CAST: variants seen among roughly 807,000 people sequenced by gnomAD.
The protein encoded by CAST is MIR583 host.
CAST carries 76 observed loss-of-function variants against 119.6 expected under a neutral mutation model. The ratio of observed to expected loss-of-function variants is 0.64; its 90% CI spans 0.53 to 0.77. The LOEUF (loss-of-function observed/expected upper bound fraction) is 0.77. Among genes scored for constraint, CAST ranks in the 30% least tolerant of loss-of-function variants. The pLI, the probability that CAST is intolerant of heterozygous loss-of-function variation, is 0.00. For missense variants in CAST, 953 were observed against 946.5 expected, an observed-to-expected ratio of 1.01 and a Z score of -0.09; for synonymous variants, 319 against 331.6, an observed-to-expected ratio of 0.96 and a Z score of 0.41.
At chr5:96,355,554 T>C in the CAST span, among the ~76,000 whole-genome samples, 1 of 152,172 alleles carries the variant, frequency 6.6e-6, no homozygotes, top group Admixed American at 6.5e-5. Context: ...AGTATTAGGA[T>C]AGCTGGGTCA....
the CAST span, among the ~76,000 whole-genome samples, chr5:96,378,430 G>A: frequency 7.2e-5 from 11 of 152,070 alleles, no homozygotes; most frequent in Non-Finnish European, 1.2e-4. Flanking sequence ...CAGTGTATAT[G>A]TATATCAAAA....
intron 1 of CAST, among the ~76,000 whole-genome samples, chr5:96,652,208 G>C (rs1033316820): frequency 6.6e-6 from 1 of 152,208 alleles, no homozygotes; most frequent in African/African-American, 2.4e-5. Context: ...CATAGCAAAC[G>C]AGGTCCAGAC....
the CAST span, among the ~76,000 whole-genome samples, chr5:95,971,006 G>A: frequency 6.6e-6 from 1 of 152,144 alleles, no homozygotes; most frequent in African/African-American, 2.4e-5. Flanking sequence ...AGTTCATAAT[G>A]TTGATGATCT....
chr5:96,393,482 G>A, the CAST span: 12 of 1,322,618 alleles, frequency 9.1e-6, no homozygotes, highest in South Asian at 9.9e-5. Flanking sequence ...CGCTTGAGAG[G>A]CAATGAGGGG....
At chr5:96,389,098 G>A in the CAST span, among the ~76,000 whole-genome samples, 1 of 151,968 alleles carries the variant, frequency 6.6e-6, no homozygotes, top group Admixed American at 6.6e-5. Flanking sequence ...TGGGGTGGGA[G>A]AGGTGGGGGG....
the CAST span, among the ~76,000 whole-genome samples, chr5:96,428,681 A>G: frequency 6.6e-6 from 1 of 152,220 alleles, no homozygotes; most frequent in African/African-American, 2.4e-5. Flanking sequence ...ATGGATTTAC[A>G]GTTCTCTCAT....
the CAST span, among the ~76,000 whole-genome samples, chr5:96,224,346 C>A: frequency 6.6e-6 from 1 of 152,144 alleles, no homozygotes; most frequent in Non-Finnish European, 1.5e-5. Context: ...AGGCCCTAAT[C>A]TCTGGAACCT....
chr5:96,686,370 C>T (rs537317855), intron 2 of CAST, among the ~76,000 whole-genome samples: 26 of 151,902 alleles, frequency 1.7e-4, no homozygotes, highest in African/African-American at 6.3e-4. Flanking sequence ...AAACTAAAAT[C>T]AAGTGTTGAT....
chr5:96,313,259 C>A, the CAST span, among the ~76,000 whole-genome samples: 7 of 152,082 alleles, frequency 4.6e-5, no homozygotes, highest in Admixed American at 1.3e-4. Flanking sequence ...TGAATTTTGG[C>A]AAATTTATAC....
intron 25 of CAST, 51 bp downstream of exon 25, chr5:96,762,423 T>C: frequency 7.4e-7 from 1 of 1,352,170 alleles, no homozygotes; most frequent in African/African-American, 1.5e-5. Context: ...CAGCCACAAC[T>C]AGAAAGAAAA....
intron 1 of CAST, among the ~76,000 whole-genome samples, chr5:96,578,408 C>T (rs1285486967): frequency 6.6e-6 from 1 of 151,266 alleles, no homozygotes; most frequent in Non-Finnish European, 1.5e-5. Context: ...ACAATCTCAC[C>T]TTTTGATTGG....
At chr5:96,123,282 A>G in the CAST span, among the ~76,000 whole-genome samples, 1 of 152,170 alleles carries the variant, frequency 6.6e-6, no homozygotes, top group Non-Finnish European at 1.5e-5. Flanking sequence ...CTGTGAAATT[A>G]GGAGGTATGG....
the CAST span, chr5:96,110,892 C>T: frequency 6.6e-6 from 1 of 152,206 alleles, no homozygotes; most frequent in Non-Finnish European, 1.5e-5. Flanking sequence ...AACAGTTTCT[C>T]TGCTCACAAC....
the CAST span, among the ~76,000 whole-genome samples, chr5:96,394,537 A>G: frequency 6.6e-6 from 1 of 152,244 alleles, no homozygotes; most frequent in Admixed American, 6.5e-5. Context: ...GCTTAAAAAC[A>G]AAGTACAGTA....
chr5:96,282,911 C>T, the CAST span, among the ~76,000 whole-genome samples: 2 of 151,674 alleles, frequency 1.3e-5, no homozygotes, highest in South Asian at 2.1e-4. Context: ...GGGCGGATCA[C>T]GAGGTCAGGA....
chr5:95,980,945 G>A, the CAST span, among the ~76,000 whole-genome samples: 1 of 152,168 alleles, frequency 6.6e-6, no homozygotes, highest in African/African-American at 2.4e-5. Flanking sequence ...CTGCCAGTCT[G>A]AGACAGGAAT....
chr5:96,593,100 A>AAT (rs1746993869), intron 1 of CAST, among the ~76,000 whole-genome samples: 1 of 152,180 alleles, frequency 6.6e-6, no homozygotes, highest in Non-Finnish European at 1.5e-5. Context: ...CTTAAATCTC[A>AAT]GCTTCCTTTG....
the CAST span, among the ~76,000 whole-genome samples, chr5:96,482,052 A>G: frequency 1.3e-5 from 2 of 152,132 alleles, no homozygotes; most frequent in African/African-American, 4.8e-5. Context: ...GCCTTGGTGT[A>G]TATTGCTGCA....
the CAST span, among the ~76,000 whole-genome samples, chr5:96,440,242 G>T: frequency 6.6e-6 from 1 of 151,058 alleles, no homozygotes; most frequent in Non-Finnish European, 1.5e-5. Flanking sequence ...ATAGCAGAGA[G>T]AATTGAGGGT....
Sources: gnomAD v4.1 joint callset for allele counts (sites outside exome capture counted in the v4.1 genomes callset) on GRCh38, gnomAD v4.1.1 for gene constraint, MANE v1.5 for transcripts, NCBI Gene and HGNC (gene_info 2026-07-23, HGNC 2026-07-21) for gene names.